The following DMXL2 variants were observed in gnomAD, a reference collection of about 807,000 sequenced individuals.
DMXL2 encodes dmX-like protein 2.
DMXL2 carries 103 observed loss-of-function variants against 331.1 expected under a neutral mutation model. The observed-to-expected ratio is 0.31, with a 90% CI of 0.27 to 0.37. The LOEUF (loss-of-function observed/expected upper bound fraction) is 0.37. Ranked by LOEUF, DMXL2 falls within the 10% of genes least tolerant of loss-of-function variation. DMXL2 has a pLI of 1.00. For synonymous variants in DMXL2, 1,281 were observed against 1,252.1 expected (o/e 1.02, Z -0.49); for missense variants, 3,171 against 3,642.9 (o/e 0.87, Z 3.33).
chr15:51,496,999 A>T (rs1309222327), intron 18 of DMXL2, among the ~76,000 whole-genome samples: 2 of 152,224 alleles, frequency 1.3e-5, no homozygotes, highest in Non-Finnish European at 2.9e-5. Flanking sequence ...CCAATGATAC[A>T]GTTTTGTATT....
intron 1 of DMXL2, among the ~76,000 whole-genome samples, chr15:51,604,393 G>C (rs369575714): frequency 1.6e-4 from 23 of 140,436 alleles, no homozygotes; most frequent in African/African-American, 5.8e-4. Context: ...AAAATCCCAA[G>C]AGATTTACAA....
At chr15:51,498,499 T>C (rs2043348559) in intron 18 of DMXL2, 53 bp downstream of exon 18, 1 of 1,536,112 alleles carries the variant, frequency 6.5e-7, no homozygotes, top group Non-Finnish European at 8.8e-7. Flanking sequence ...ATAGAGATAA[T>C]ACAAATATTT....
intron 19 of DMXL2, among the ~76,000 whole-genome samples, chr15:51,494,713 T>C (rs1333571134): frequency 1.3e-5 from 2 of 152,120 alleles, no homozygotes; most frequent in Non-Finnish European, 2.9e-5. Context: ...AGAAAAGACA[T>C]CAAGATATTC....
At chr15:51,618,649 T>C (rs1043566129) in intron 1 of DMXL2, among the ~76,000 whole-genome samples, 5 of 152,016 alleles carry the variant, frequency 3.3e-5, no homozygotes, top group African/African-American at 1.2e-4. Context: ...ATTCTAAGAG[T>C]GTCTGTTATT....
In DMXL2 at chr15:51,463,694, A is replaced by C. The variant is rs1024211943; in HGVS notation, c.7809-198T>G. On this transcript the variant is annotated intron_variant, in intron 32 of 43. Transcript: ENST00000560891. ...TTACTTTTAATTTTTAGTTCTCCTA[A>C]AAATCATTTCATCTAGCAACTAATT... Among the ~76,000 whole-genome samples the C allele has an allele frequency of 2.0e-5, 3 of 152,302 alleles. No homozygotes were observed. In the East Asian group the frequency reaches 5.8e-4, roughly 29 times the overall value.
chr15:51,511,130 T>C (rs1368832506), intron 15 of DMXL2, among the ~76,000 whole-genome samples: 1 of 152,192 alleles, frequency 6.6e-6, no homozygotes, highest in Non-Finnish European at 1.5e-5. Flanking sequence ...GACGCAGGCA[T>C]GGGCAAAGCC....
chr15:51,459,749 C>A, intron 33 of DMXL2, 89 bp from the exon 34 acceptor site: 1 of 1,264,428 alleles, frequency 7.9e-7, no homozygotes, highest in Middle Eastern at 2.2e-4. Context: ...GAAATGGCCA[C>A]TCCACCACTT....
At chr15:51,589,871 C>T (rs908688730) in intron 1 of DMXL2, among the ~76,000 whole-genome samples, 1 of 152,114 alleles carries the variant, frequency 6.6e-6, no homozygotes, top group African/African-American at 2.4e-5. Flanking sequence ...CCTAAGAAAA[C>T]ATCCAGACAT....
chr15:51,582,024 G>C (rs1858660067), intron 1 of DMXL2, among the ~76,000 whole-genome samples: 1 of 152,096 alleles, frequency 6.6e-6, no homozygotes, highest in Non-Finnish European at 1.5e-5. Context: ...AGTGAGTTTT[G>C]ATCAATGTAA....
At chr15:51,538,518 C>A (rs1393520221) in intron 9 of DMXL2, 66 bp from the exon 10 acceptor site, 2 of 1,282,062 alleles carry the variant, frequency 1.6e-6, no homozygotes, top group African/African-American at 1.5e-5. Context: ...CAAGTGCTTA[C>A]AATGACTAAT....
chr15:51,565,246 T>C lies in DMXL2; in HGVS notation c.286-80A>G, dbSNP rs564554024. 3.4e-5 allele frequency: 28 copies of C among 819,674 alleles called. No homozygotes were observed. In the South Asian group the frequency reaches 5.1e-4, roughly 15 times the overall value. The allele number at this position is 819,674 out of a possible 1,614,324, so 50.8% of individuals were successfully genotyped here. ...AATATCCCAAAACACTACCATTTTATCATTTTCTTCAACTTAAGACTTTAA... is the reference window on the plus strand; with the variant it reads ...AATATCCCAAAACACTACCATTTTACCATTTTCTTCAACTTAAGACTTTAA... On this transcript the variant is annotated intron_variant, in intron 3 of 43. Transcript: ENST00000560891.
chr15:51,464,843 A>G lies in DMXL2; in HGVS notation c.7640T>C (p.Val2547Ala), dbSNP rs1193313549. The G allele has an allele frequency of 1.9e-6, 3 of 1,614,148 alleles. No homozygotes were observed. Among genetic ancestry groups the G allele is most frequent in the East Asian group, 4.5e-5 (2 of 44,874 alleles). Reference sequence around the variant, plus strand: ...TTCCCAGTTCTCCAAGTTTTTAATCACAGCAATACCTAATGGTGATGTTAC... The same window carrying G: ...TTCCCAGTTCTCCAAGTTTTTAATCGCAGCAATACCTAATGGTGATGTTAC... Reference protein sequence around the residue: ...LPVTSPLGIAVIKNLENWEQI... With the variant: ...LPVTSPLGIAAIKNLENWEQI... The change falls in exon 32 of 44, where the codon GTG (valine) becomes GCG (alanine). Residue 2547 changes from valine (V) to alanine (A), a missense_variant. By Grantham distance (64) the Val-to-Ala change is moderately conservative. Transcript: ENST00000560891.
intron 1 of DMXL2, among the ~76,000 whole-genome samples, chr15:51,612,850 C>G (rs902413156): frequency 1.3e-5 from 2 of 152,188 alleles, no homozygotes; most frequent in African/African-American, 4.8e-5. Flanking sequence ...GAGACCAGGG[C>G]TTATTTCATC....
At chr15:51,487,452 T>C (rs567770920) in intron 22 of DMXL2, among the ~76,000 whole-genome samples, 15 of 148,864 alleles carry the variant, frequency 1.0e-4, no homozygotes, top group Middle Eastern at 3.4e-3. Context: ...GTGCCATATA[T>C]GAAATTTTTC....
chr15:51,590,761 T>A (rs1595652104), intron 1 of DMXL2, among the ~76,000 whole-genome samples: 1 of 152,178 alleles, frequency 6.6e-6, no homozygotes, highest in East Asian at 1.9e-4. Flanking sequence ...AACAAATGTC[T>A]GTTGAGCAGT....
chr15:51,475,068 A>C (rs10467923), intron 27 of DMXL2, among the ~76,000 whole-genome samples: 83,354 of 152,072 alleles, frequency 0.55, 23,208 homozygotes, highest in African/African-American at 0.62. Context: ...AACCACCTTA[A>C]CAAGTGATCA....
chr15:51,468,436 A>G (rs563741672), intron 29 of DMXL2, among the ~76,000 whole-genome samples: 2 of 152,348 alleles, frequency 1.3e-5, no homozygotes, highest in Admixed American at 6.5e-5. Flanking sequence ...AATAACTGCA[A>G]TAGATTAAAA....
chr15:51,514,978 T>C (rs2046954775), intron 14 of DMXL2, among the ~76,000 whole-genome samples: 1 of 152,136 alleles, frequency 6.6e-6, no homozygotes, highest in Admixed American at 6.5e-5. Context: ...ACACAACTTG[T>C]AATTTTTTCA....
intron 41 of DMXL2, chr15:51,453,207 C>A: frequency 5.1e-6 from 1 of 195,288 alleles, no homozygotes. Context: ...TGTAACCAAA[C>A]ACTACCTATT....
Sources: gnomAD v4.1 joint callset for allele counts (sites outside exome capture counted in the v4.1 genomes callset) on GRCh38, gnomAD v4.1.1 for gene constraint, MANE v1.5 for transcripts, NCBI Gene and HGNC (gene_info 2026-07-23, HGNC 2026-07-21) for gene names.